Variants in PHC2 observed in about 807,000 individuals in gnomAD.
PHC2 encodes polyhomeotic-like protein 2.
In PHC2, 29 loss-of-function variants were observed where a neutral mutation model predicts 87.4. The observed-to-expected ratio is 0.33, with a 90% CI of 0.25 to 0.45. The LOEUF is 0.45. PHC2 is among the 20% of genes least tolerant of loss of function. The probability of loss-of-function intolerance (pLI) is 1.00; values close to 1 mark genes in which losing one functional copy is unlikely to be tolerated. For synonymous variants in PHC2, 438 were observed against 461.7 expected, an observed-to-expected ratio of 0.95 and a Z score of 0.66; for missense variants, 857 against 1,136.7, an observed-to-expected ratio of 0.75 and a Z score of 3.54.
chr1:33,371,615 C>T (rs956565043), intron 3 of PHC2, among the ~76,000 whole-genome samples: 5 of 152,234 alleles, frequency 3.3e-5, no homozygotes, highest in Non-Finnish European at 7.3e-5. Context: ...TGGCCGGCTT[C>T]TCATCCTTCA....
chr1:33,332,888 A>C lies in PHC2; in HGVS notation c.1762-484T>G, dbSNP rs1051834083. 6.6e-6 allele frequency among the ~76,000 whole-genome samples: 1 copy of C among 152,172 alleles called. No homozygotes were observed. The highest frequency in any genetic ancestry group is 1.5e-5 in the Non-Finnish European group (1 of 68,020). On this transcript the variant is annotated intron_variant, in intron 10 of 14. Coordinates refer to ENST00000683057, the MANE Select transcript of PHC2 (RefSeq NM_001385109.1). This position sits in a 1 kb window ranked among gnomAD's most constrained non-coding sequence, Gnocchi z 4.2. The stretch of plus-strand genomic sequence containing the variant: ...AGAGGTACAGGCCGCCACAGAGTAT[A>C]GCAGGAAAAAACAGACCCTGGGCCA...
intron 1 of PHC2, among the ~76,000 whole-genome samples, chr1:33,414,834 A>C (rs74067022): frequency 0.027 from 4,076 of 152,334 alleles, 62 homozygotes; most frequent in Middle Eastern, 0.054. Context: ...AATTTCTTTA[A>C]AGAAAGGAAT....
At chr1:33,395,905 A>G (rs549142605) in intron 1 of PHC2, among the ~76,000 whole-genome samples, 2 of 152,330 alleles carry the variant, frequency 1.3e-5, no homozygotes, top group African/African-American at 4.8e-5. Flanking sequence ...ATAAATGTCC[A>G]GATTGAAACA....
chr1:33,326,924 G>C, intron 14 of PHC2, among the ~76,000 whole-genome samples: 1 of 152,314 alleles, frequency 6.6e-6, no homozygotes, highest in African/African-American at 2.4e-5. Flanking sequence ...ACAATAGCCT[G>C]GGTGATGGAG....
chr1:33,392,356 CT>C (rs776104275), intron 1 of PHC2, among the ~76,000 whole-genome samples: 2 of 152,024 alleles, frequency 1.3e-5, no homozygotes, highest in African/African-American at 4.8e-5. Flanking sequence ...TTAAAGCATG[CT>C]TTTTTTTTCT....
At chr1:33,339,969 A>C (rs927149163) in intron 9 of PHC2, among the ~76,000 whole-genome samples, 2 of 152,200 alleles carry the variant, frequency 1.3e-5, no homozygotes, top group Non-Finnish European at 2.9e-5. Flanking sequence ...AATCTGTACT[A>C]ACATCTGCAA....
Position 33,332,069 on chromosome 1 carries a change from G to A in PHC2, c.1891+206C>T, listed in dbSNP as rs1019963317. On this transcript the variant is annotated intron_variant, in intron 11 of 14. Transcript: ENST00000683057. This position sits in a 1 kb window ranked among gnomAD's most constrained non-coding sequence, Gnocchi z 4.2. Reference sequence around the variant, plus strand: ...CTTGGGATCCTGTGGTTGGCTGGAGGGGGATTGGGGGAGCAGAGGACACAT... The same window carrying A: ...CTTGGGATCCTGTGGTTGGCTGGAGAGGGATTGGGGGAGCAGAGGACACAT... 2.6e-5 allele frequency among the ~76,000 whole-genome samples: 4 copies of A among 152,240 alleles called. No individual in the cohort carries two copies. The highest frequency in any genetic ancestry group is 9.6e-5 in the African/African-American group (4 of 41,462).
chr1:33,360,017 C>T (rs1192571910), intron 7 of PHC2, among the ~76,000 whole-genome samples: 3 of 152,206 alleles, frequency 2.0e-5, no homozygotes, highest in Non-Finnish European at 2.9e-5. Flanking sequence ...AGAGTTAGCT[C>T]TAGAGGTCAG....
At chr1:33,407,981 G>T (rs1438515069) in intron 1 of PHC2, among the ~76,000 whole-genome samples, 1 of 152,218 alleles carries the variant, frequency 6.6e-6, no homozygotes, top group African/African-American at 2.4e-5. Context: ...AACAAGGTGT[G>T]AGGGGGGAGA....
rs974828605 is a variant in PHC2, at chr1:33,324,447, G to A, written c.*418C>T. The A allele has an allele frequency of 6.4e-6, 1 of 156,958 alleles. No homozygotes were observed. The highest frequency in any genetic ancestry group is 2.4e-5 in the African/African-American group (1 of 41,668). 9.7% of individuals were successfully genotyped at this position (156,958 alleles called of 1,614,324 possible). ...GAAGAGTTAACCAGGCCTGGAGAAA[G>A]AAGTGGGAGGAAGGAAGGCAAGGGC... On this transcript the variant is annotated 3_prime_UTR_variant, in exon 15 of 15. Transcript: ENST00000683057.
chr1:33,408,967 A>C (rs1649876918), intron 1 of PHC2, among the ~76,000 whole-genome samples: 1 of 152,226 alleles, frequency 6.6e-6, no homozygotes, highest in South Asian at 2.1e-4. Context: ...GAGAACAATG[A>C]GAACTACTTT....
In PHC2 at chr1:33,350,048, G is replaced by A. The variant is rs1646938172; in HGVS notation, c.1558+4353C>T. 5 of 183,934 alleles carry A rather than the reference G, an allele frequency of 2.7e-5. No individual in the cohort carries two copies. In the Admixed American group the frequency reaches 3.3e-4, roughly 12 times the overall value. 11.4% of individuals were successfully genotyped at this position (183,934 alleles called of 1,614,324 possible). On this transcript the variant is annotated intron_variant, in intron 9 of 14. Transcript: ENST00000683057. ...GAGCCCCGCCTCGCGCCCTCCGGAA[G>A]GCGGGTTAGGGACGCCCGGGGCTCA...
chr1:33,329,668 A>C (rs1646446221), intron 13 of PHC2, among the ~76,000 whole-genome samples: 1 of 152,192 alleles, frequency 6.6e-6, no homozygotes, highest in Non-Finnish European at 1.5e-5. Context: ...GAGACCTTCA[A>C]GAACTCTGTG....
At chr1:33,350,300 C>G (rs2148266361) in intron 9 of PHC2, 1 of 152,376 alleles carries the variant, frequency 6.6e-6, no homozygotes, top group East Asian at 1.9e-4. Flanking sequence ...AAGTCATTCT[C>G]CTTCCCACTG....
chr1:33,423,645 C>T (rs2148407894), intron 1 of PHC2, among the ~76,000 whole-genome samples: 1 of 152,242 alleles, frequency 6.6e-6, no homozygotes, highest in African/African-American at 2.4e-5. Flanking sequence ...TTTCTAGAAA[C>T]AGCATTAAAT....
chr1:33,328,619 G>C (rs1383518830), intron 14 of PHC2, among the ~76,000 whole-genome samples: 1 of 152,054 alleles, frequency 6.6e-6, no homozygotes, highest in African/African-American at 2.4e-5. Context: ...TATCATCTCT[G>C]TATTTCACAC....
chr1:33,405,500 T>A (rs1013285783), intron 1 of PHC2, among the ~76,000 whole-genome samples: 1 of 152,274 alleles, frequency 6.6e-6, no homozygotes, highest in East Asian at 1.9e-4. Context: ...AGCAGTCTTA[T>A]CAGTCTTTAA....
chr1:33,365,921 C>T (rs1156263480), intron 7 of PHC2, among the ~76,000 whole-genome samples: 1 of 152,240 alleles, frequency 6.6e-6, no homozygotes, highest in African/African-American at 2.4e-5. Flanking sequence ...GTGCCATGTC[C>T]TCTGAAGGAC....
rs566560645 is a variant in PHC2, at chr1:33,389,303, C to T, written c.-54-13710G>A. On this transcript the variant is annotated intron_variant, in intron 1 of 14. Transcript: ENST00000683057. ...GAAATCCAGAGCAGTGAATGTTCAA[C>T]ACACATTCTTCTTGGGGATATTGTT... is the stretch of plus-strand genomic sequence containing the variant. Among the ~76,000 whole-genome samples the T allele has an allele frequency of 2.7e-4, 41 of 152,318 alleles. No homozygotes were observed. In the South Asian group the frequency reaches 8.3e-3, roughly 31 times the overall value.
Sources: allele counts gnomAD v4.1 joint callset (sites outside exome capture counted in the v4.1 genomes callset), GRCh38; gene constraint gnomAD v4.1.1; non-coding constraint Gnocchi (gnomAD v3.1); transcripts MANE v1.5; gene names NCBI Gene and HGNC (gene_info 2026-07-23, HGNC 2026-07-21).